Variants in PRDX2 observed in about 807,000 individuals in gnomAD.
PRDX2 encodes the protein peroxiredoxin-2.
Under a neutral mutation model 19.8 loss-of-function variants are expected in PRDX2, and 10 were observed. The ratio of observed to expected loss-of-function variants is 0.50; its 90% confidence interval spans 0.31 to 0.86. The LOEUF is 0.86. PRDX2 is among the 40% of genes least tolerant of loss of function. The probability of loss-of-function intolerance (pLI) is 0.04; values close to 1 mark genes in which losing one functional copy is unlikely to be tolerated. For missense variants in PRDX2, 226 were observed against 260.1 expected (o/e 0.87, Z 0.90); for synonymous variants, 118 against 108.2 (o/e 1.09, Z -0.56).
chr19:12,797,656 C>CTTTTTTTTT (rs1555733212), intron 5 of PRDX2, among the ~76,000 whole-genome samples: 28 of 113,044 alleles, frequency 2.5e-4, no homozygotes, highest in African/African-American at 4.4e-4. Flanking sequence ...TTCTTTCTTT[C>CTTTTTTTTT]TTTTTTTTTT....
intron 1 of PRDX2, 95 bp from the exon 2 acceptor site, chr19:12,801,365 C>T: frequency 2.3e-6 from 3 of 1,304,896 alleles, no homozygotes; most frequent in Non-Finnish European, 3.2e-6. Flanking sequence ...TGAGTCAGCA[C>T]GGCGGAGGCG....
At chr19:12,797,370 GC>G (rs1219885600) in intron 5 of PRDX2, among the ~76,000 whole-genome samples, 4 of 151,082 alleles carry the variant, frequency 2.6e-5, no homozygotes, top group African/African-American at 9.8e-5. Flanking sequence ...TGTTGCCCAG[GC>G]TGAAGTACAG....
At position 12,800,971 on chromosome 19, in the gene PRDX2, G is replaced by C; in HGVS notation, c.202C>G (p.Leu68Val). The C allele has an allele frequency of 6.2e-7, 1 of 1,612,006 alleles. No homozygotes were observed. The highest frequency in any genetic ancestry group is 8.5e-7 in the Non-Finnish European group (1 of 1,179,942). The part of the protein sequence containing the change: ...FSNRAEDFRK[L>V]GCEVLGVSVD... The stretch of plus-strand genomic sequence containing the variant: ...GAGACGCCCAGCACTTCACAGCCCA[G>C]CTTGCGGAAGTCCTCTGCACGGTTG... Residue 68 changes from leucine to valine, a missense_variant, in exon 3 of 6, where the codon CTG (leucine) becomes GTG (valine). Transcript: ENST00000301522.
In PRDX2 at chr19:12,801,172, C is replaced by T. The variant is rs760367085; in HGVS notation, c.90G>A (p.Leu30=). 9 of 1,613,926 alleles carry T rather than the reference C, an allele frequency of 5.6e-6. No individual in the cohort carries two copies. In the South Asian group the frequency reaches 9.9e-5, roughly 18 times the overall value. The change falls in exon 2 of 6, where the codon CTG becomes CTA. Residue 30 remains leucine (L), a synonymous_variant. Coordinates refer to ENST00000301522, the MANE Select transcript of PRDX2 (RefSeq NM_005809.6). ...VVDGAFKEVK[L]SDYKGKYVVL... is the part of the protein sequence containing the mutation. The stretch of plus-strand genomic sequence containing the variant: ...GGCGGCGCTCACCTTTGTAGTCCGA[C>T]AGCTTCACCTCTTTGAAGGCGCCAT...
In PRDX2 at chr19:12,796,958, T is replaced by G; in HGVS notation, c.*123A>C. 1.1e-6 allele frequency: 1 copy of G among 909,848 alleles called. No individual in the cohort carries two copies. Among genetic ancestry groups the G allele is most frequent in the Non-Finnish European group, 1.7e-6 (1 of 584,740 alleles). The allele number at this position is 909,848 out of a possible 1,614,324, so 56.4% of individuals were successfully genotyped here. On this transcript the variant is annotated 3_prime_UTR_variant, in exon 6 of 6. Transcript: ENST00000301522. ...CCTAGCCCTCCAGGGTCCCATACTG[T>G]GGAGTTTGGAGGGGCAGGTCTGGCC... is the stretch of plus-strand genomic sequence containing the variant.
chr19:12,800,601 T>C (rs1376590527), intron 3 of PRDX2: 1 of 1,111,296 alleles, frequency 9.0e-7, no homozygotes, highest in South Asian at 1.7e-5. Flanking sequence ...TGTCATGGGG[T>C]ACAGCCCTTC....
At chr19:12,800,799 A>G (rs1489198004) in intron 3 of PRDX2, 117 bp downstream of exon 3, 2 of 1,548,406 alleles carry the variant, frequency 1.3e-6, no homozygotes, top group Non-Finnish European at 1.7e-6. Context: ...TGTTTCCATT[A>G]TTTTCACGAT....
chr19:12,800,456 A>G (rs942270429), intron 3 of PRDX2, 157 bp from the exon 4 acceptor site: 1 of 1,000,756 alleles, frequency 1.0e-6, no homozygotes, highest in Admixed American at 2.8e-5. Flanking sequence ...GTTGGGTGCA[A>G]GGACTGTATC....
chr19:12,801,334 C>T (rs1968894370), intron 1 of PRDX2, 64 bp from the exon 2 acceptor site: 1 of 1,505,008 alleles, frequency 6.6e-7, no homozygotes, highest in African/African-American at 1.4e-5. Flanking sequence ...CAAGGTCGCG[C>T]TGCGTGCTGG....
Position 12,801,182 on chromosome 19 carries a change from T to C in PRDX2, c.80A>G (p.Glu27Gly). 1 of 1,613,934 alleles carries C rather than the reference T, an allele frequency of 6.2e-7. No homozygotes were observed. Among genetic ancestry groups the C allele is most frequent in the Non-Finnish European group, 8.5e-7 (1 of 1,180,006 alleles). Residue 27 changes from glutamate to glycine, a missense_variant, in exon 2 of 6, where the codon GAG (glutamate) becomes GGG (glycine). Glu to Gly is a moderately conservative substitution (Grantham distance 98, BLOSUM62 -2). Coordinates refer to ENST00000301522, the MANE Select transcript of PRDX2 (RefSeq NM_005809.6). ...ACCTTTGTAGTCCGACAGCTTCACC[T>C]CTTTGAAGGCGCCATCAACCACCGC... ...ATAVVDGAFK[E>G]VKLSDYKGKY...
chr19:12,796,977 T>C lies in PRDX2; in HGVS notation c.*104A>G. 3 of 1,150,338 alleles carry C rather than the reference T, an allele frequency of 2.6e-6. No homozygotes were observed. Among genetic ancestry groups the C allele is most frequent in the Admixed American group, 2.0e-5 (1 of 50,490 alleles). The allele number at this position is 1,150,338 out of a possible 1,614,324, so 71.3% of individuals were successfully genotyped here. On this transcript the variant is annotated 3_prime_UTR_variant, in exon 6 of 6. Coordinates refer to ENST00000301522, the MANE Select transcript of PRDX2 (RefSeq NM_005809.6). Reference sequence around the variant, plus strand: ...ATACTGTGGAGTTTGGAGGGGCAGGTCTGGCCTTTCCTGGGTCAGCATAGG... The same window carrying C: ...ATACTGTGGAGTTTGGAGGGGCAGGCCTGGCCTTTCCTGGGTCAGCATAGG...
At chr19:12,797,656 C>CTTTTTTTTTTTTTTTT (rs1555733212) in intron 5 of PRDX2, among the ~76,000 whole-genome samples, 2 of 113,062 alleles carry the variant, frequency 1.8e-5, no homozygotes, top group Non-Finnish European at 3.6e-5. Flanking sequence ...TTCTTTCTTT[C>CTTTTTTTTTTTTTTTT]TTTTTTTTTT....
At chr19:12,800,019 C>T in intron 4 of PRDX2, 30 bp from the exon 5 acceptor site, 1 of 1,610,608 alleles carries the variant, frequency 6.2e-7, no homozygotes, top group South Asian at 1.1e-5. Context: ...CAGTGAGGAG[C>T]TGATAGCTCC....
chr19:12,800,334 A>G (rs780874738), intron 3 of PRDX2, 35 bp from the exon 4 acceptor site: 5 of 1,599,424 alleles, frequency 3.1e-6, no homozygotes, highest in Admixed American at 3.4e-5. Flanking sequence ...GGGCCTCAGG[A>G]TGCCTGGCAC....
rs1475093535 is a variant in PRDX2, at chr19:12,797,133, G to A, written c.545C>T (p.Thr182Met). Residue 182 changes from threonine to methionine, a missense_variant, in exon 6 of 6, where the codon ACG (threonine) becomes ATG (methionine). Thr to Met is a moderately conservative substitution (Grantham distance 81). Transcript: ENST00000301522. ...GCTGTCATCCACGTTGGGCTTAATC[G>A]TGTCACTGCCAGGCTTCCAGCCAGC... ...CPAGWKPGSD[T>M]IKPNVDDSKE... 5 of 1,614,078 alleles carry A rather than the reference G, an allele frequency of 3.1e-6. No homozygotes were observed. The highest frequency in any genetic ancestry group is 1.1e-5 in the South Asian group (1 of 91,072).
intron 5 of PRDX2, 155 bp downstream of exon 5, chr19:12,799,704 C>T: frequency 9.4e-7 from 1 of 1,068,188 alleles, no homozygotes; most frequent in Admixed American, 2.8e-5. Context: ...TTGTCTCCTA[C>T]CACATTAGAA....
chr19:12,801,308 C>CT, intron 1 of PRDX2, 38 bp from the exon 2 acceptor site: 2 of 1,567,646 alleles, frequency 1.3e-6, no homozygotes, highest in Non-Finnish European at 1.7e-6. Flanking sequence ...CGGGAAGACA[C>CT]TTTGTCCTCC....
chr19:12,801,270 G>C lies in PRDX2; in HGVS notation c.-9C>G. The C allele has an allele frequency of 1.2e-6, 2 of 1,608,938 alleles. No individual in the cohort carries two copies. Among genetic ancestry groups the C allele is most frequent in the Non-Finnish European group, 1.7e-6 (2 of 1,177,878 alleles). Reference sequence around the variant, plus strand: ...GCGTTACCGGAGGCCATGACTGAAAGCTGAGACCCCCGCCCGGTCAGTGCG... The same window carrying C: ...GCGTTACCGGAGGCCATGACTGAAACCTGAGACCCCCGCCCGGTCAGTGCG... On this transcript the variant is annotated splice_region_variant and 5_prime_UTR_variant, in exon 2 of 6. Coordinates refer to ENST00000301522, the MANE Select transcript of PRDX2 (RefSeq NM_005809.6).
intron 5 of PRDX2, among the ~76,000 whole-genome samples, chr19:12,799,386 G>A (rs753078469): frequency 6.6e-6 from 1 of 151,134 alleles, no homozygotes; most frequent in Non-Finnish European, 1.5e-5. Context: ...TTGAGACTGA[G>A]TTTTGCTCTG....
Sources: allele counts gnomAD v4.1 joint callset (sites outside exome capture counted in the v4.1 genomes callset), GRCh38; gene constraint gnomAD v4.1.1; transcripts MANE v1.5; gene names NCBI Gene and HGNC (gene_info 2026-07-23, HGNC 2026-07-21).